THSD7A: variants seen among roughly 807,000 people sequenced by gnomAD.
The protein encoded by THSD7A is thrombospondin type-1 domain-containing protein 7A.
Under a neutral mutation model 231.3 loss-of-function variants are expected in THSD7A, and 96 were observed. That is an observed-to-expected ratio of 0.41 (90% CI 0.35 to 0.49). THSD7A has a LOEUF of 0.49. Ranked by LOEUF, THSD7A falls within the 20% of genes least tolerant of loss-of-function variation. The pLI, the probability that THSD7A is intolerant of heterozygous loss-of-function variation, is 0.05. For missense variants in THSD7A, 2,290 were observed against 2,070.2 expected (o/e 1.11, Z -2.06); for synonymous variants, 940 against 743.3 (o/e 1.26, Z -4.30).
chr7:11,542,073 G>T (rs2128322944), intron 5 of THSD7A, among the ~76,000 whole-genome samples: 1 of 152,304 alleles, frequency 6.6e-6, no homozygotes, highest in African/African-American at 2.4e-5. Context: ...TAAATCTTCA[G>T]CAATGTCACA....
intron 2 of THSD7A, among the ~76,000 whole-genome samples, chr7:11,596,756 G>A (rs549497561): frequency 5.9e-5 from 9 of 152,188 alleles, no homozygotes; most frequent in African/African-American, 1.2e-4. Flanking sequence ...GTGGATTATC[G>A]TCAGATTAAT....
At chr7:11,512,308 G>A (rs906935321) in intron 6 of THSD7A, among the ~76,000 whole-genome samples, 5 of 152,156 alleles carry the variant, frequency 3.3e-5, no homozygotes. Flanking sequence ...AGGATGTGGG[G>A]AAATAGGAAC....
chr7:11,488,873 C>A (rs10486135), intron 6 of THSD7A, among the ~76,000 whole-genome samples: 61,108 of 151,858 alleles, frequency 0.4, 12,478 homozygotes, highest in Middle Eastern at 0.47. Context: ...CACTCCTCTG[C>A]CATTTTGCAA....
intron 6 of THSD7A, among the ~76,000 whole-genome samples, chr7:11,512,081 T>G (rs1159932540): frequency 6.6e-6 from 1 of 152,100 alleles, no homozygotes; most frequent in Non-Finnish European, 1.5e-5. Flanking sequence ...CTTGAACAAA[T>G]TTAGAAGAAA....
chr7:11,598,505 T>C (rs893752287), intron 2 of THSD7A, among the ~76,000 whole-genome samples: 3 of 152,182 alleles, frequency 2.0e-5, no homozygotes, highest in African/African-American at 7.2e-5. Flanking sequence ...CTCAGCAACA[T>C]GGACTTCCAC....
chr7:11,753,742 C>T (rs1255372492), intron 1 of THSD7A, among the ~76,000 whole-genome samples: 1 of 151,788 alleles, frequency 6.6e-6, no homozygotes, highest in Non-Finnish European at 1.5e-5. Flanking sequence ...GATTAATGCA[C>T]TTGCTAAATT....
chr7:11,598,959 A>T (rs1377300206), intron 2 of THSD7A, among the ~76,000 whole-genome samples: 1 of 152,150 alleles, frequency 6.6e-6, no homozygotes, highest in Non-Finnish European at 1.5e-5. Context: ...ACAGGCTAAG[A>T]AGGGAGTTAC....
chr7:11,684,397 G>GA (rs111442594), intron 1 of THSD7A, among the ~76,000 whole-genome samples: 14,980 of 127,740 alleles, frequency 0.12, 949 homozygotes, highest in South Asian at 0.17. Context: ...AATGAGGCAT[G>GA]AAAAAAAAAA....
chr7:11,589,934 T>A (rs895593473), intron 4 of THSD7A, among the ~76,000 whole-genome samples: 1 of 152,164 alleles, frequency 6.6e-6, no homozygotes, highest in Non-Finnish European at 1.5e-5. Context: ...GCCAAACAAC[T>A]GAAGAGTTTT....
intron 1 of THSD7A, among the ~76,000 whole-genome samples, chr7:11,766,305 G>C (rs1431845186): frequency 6.6e-6 from 1 of 152,134 alleles, no homozygotes; most frequent in African/African-American, 2.4e-5. Flanking sequence ...ATCTAGTTTT[G>C]TTCTATATTA....
intron 19 of THSD7A, among the ~76,000 whole-genome samples, chr7:11,408,973 G>GAATC (rs1783683825): frequency 6.6e-6 from 1 of 152,148 alleles, no homozygotes; most frequent in Non-Finnish European, 1.5e-5. Flanking sequence ...GGGACAGTTT[G>GAATC]AATCACAGGA....
chr7:11,802,547 C>G (rs1784304985), intron 1 of THSD7A, among the ~76,000 whole-genome samples: 1 of 152,044 alleles, frequency 6.6e-6, no homozygotes, highest in Admixed American at 6.6e-5. Flanking sequence ...GAATAAATAA[C>G]AGAGAAGGAT....
Position 11,832,071 on chromosome 7 carries a change from G to C in THSD7A, c.-125C>G. On this transcript the variant is annotated 5_prime_UTR_variant, in exon 1 of 28. The change creates a new upstream start codon in the 5' untranslated region. Coordinates refer to ENST00000423059, the MANE Select transcript of THSD7A (RefSeq NM_015204.3). ...CTCTTTCCTGCTATTGTTCGCTTCA[G>C]ATGAGAAGGAGGGAGAGCGCGTCTA... 1 of 628,336 alleles carries C rather than the reference G, an allele frequency of 1.6e-6. No individual in the cohort carries two copies. Among genetic ancestry groups the C allele is most frequent in the South Asian group, 7.7e-5 (1 of 13,008 alleles). The allele number at this position is 628,336 out of a possible 1,614,324, so 38.9% of individuals were successfully genotyped here.
chr7:11,809,500 G>T (rs1784475785), intron 1 of THSD7A, among the ~76,000 whole-genome samples: 1 of 152,080 alleles, frequency 6.6e-6, no homozygotes, highest in African/African-American at 2.4e-5. Context: ...TCCCATGAGT[G>T]TATACAAAAG....
rs553411290 is a variant in THSD7A at position 11,627,381 on chromosome 7, T to C, written c.1022+8749A>G. 9.9e-5 allele frequency among the ~76,000 whole-genome samples: 15 copies of C among 152,134 alleles called. 2 individuals are homozygous for C. In the South Asian group the frequency reaches 1.9e-3, roughly 19 times the overall value. On this transcript the variant is annotated intron_variant, in intron 2 of 27. Transcript: ENST00000423059. Reference sequence around the variant, plus strand: ...TGTTGGTATATAGCCTTACATAATATACCTACATATAAATATATACATACA... The same window carrying C: ...TGTTGGTATATAGCCTTACATAATACACCTACATATAAATATATACATACA...
intron 5 of THSD7A, among the ~76,000 whole-genome samples, chr7:11,542,624 A>C (rs951717153): frequency 6.6e-6 from 1 of 152,204 alleles, no homozygotes; most frequent in Non-Finnish European, 1.5e-5. Flanking sequence ...TAAGGGGACA[A>C]AGGTTTAGAT....
intron 6 of THSD7A, among the ~76,000 whole-genome samples, chr7:11,538,694 T>C (rs1239687474): frequency 1.3e-5 from 2 of 152,168 alleles, no homozygotes; most frequent in East Asian, 3.9e-4. Flanking sequence ...TGTTTATCTC[T>C]TTTTGGAGAG....
chr7:11,583,442 GTT>G (rs1402548429), intron 4 of THSD7A, among the ~76,000 whole-genome samples: 1 of 151,848 alleles, frequency 6.6e-6, no homozygotes, highest in East Asian at 1.9e-4. Context: ...ACGCCTGGCA[GTT>G]TTTATATTTT....
chr7:11,527,564 TATCA>T (rs1179583901), intron 6 of THSD7A, among the ~76,000 whole-genome samples: 1 of 152,192 alleles, frequency 6.6e-6, no homozygotes, highest in African/African-American at 2.4e-5. Context: ...CTTTGCACTC[TATCA>T]AGAAATCTTC....
Sources: allele counts gnomAD v4.1 joint callset (sites outside exome capture counted in the v4.1 genomes callset), GRCh38; gene constraint gnomAD v4.1.1; transcripts MANE v1.5; gene names NCBI Gene and HGNC (gene_info 2026-07-23, HGNC 2026-07-21).